The following ULK4 variants were observed in gnomAD, a reference collection of about 807,000 sequenced individuals.
The protein encoded by ULK4 is inactive serine/threonine-protein kinase ULK4.
A neutral mutation model predicts 160.6 loss-of-function variants in ULK4; 133 were observed. That is an observed-to-expected ratio of 0.83 (90% CI 0.72 to 0.96). The LOEUF is 0.96. Ranked by LOEUF, ULK4 falls within the 40% of genes least tolerant of loss-of-function variation. The pLI, the probability that ULK4 is intolerant of heterozygous loss-of-function variation, is 0.00. For missense variants in ULK4, 1,580 were observed against 1,499.5 expected (o/e 1.05, Z -0.89); for synonymous variants, 534 against 539.8 (o/e 0.99, Z 0.15).
intron 30 of ULK4, among the ~76,000 whole-genome samples, chr3:41,647,327 T>C (rs2034541669): frequency 1.3e-5 from 2 of 152,220 alleles, no homozygotes; most frequent in Admixed American, 6.5e-5. Flanking sequence ...TGTGGTTTTA[T>C]CTACTTTTGG....
At chr3:41,273,778 T>C (rs2079180989) in intron 35 of ULK4, among the ~76,000 whole-genome samples, 1 of 152,158 alleles carries the variant, frequency 6.6e-6, no homozygotes, top group South Asian at 2.1e-4. Flanking sequence ...AGTAGTGAGT[T>C]CTTGCTTTTG....
intron 35 of ULK4, among the ~76,000 whole-genome samples, chr3:41,326,884 C>T (rs1048506266): frequency 6.6e-6 from 1 of 152,150 alleles, no homozygotes; most frequent in Non-Finnish European, 1.5e-5. Flanking sequence ...AGCCAGATTC[C>T]CTTTTCATCC....
intron 35 of ULK4, among the ~76,000 whole-genome samples, chr3:41,268,584 T>C (rs2079084474): frequency 6.6e-6 from 1 of 152,014 alleles, no homozygotes; most frequent in Non-Finnish European, 1.5e-5. Context: ...GGCGGGCAGA[T>C]CATTTGTGGT....
chr3:41,774,354 A>G (rs1327041163), intron 21 of ULK4, among the ~76,000 whole-genome samples: 2 of 150,626 alleles, frequency 1.3e-5, no homozygotes, highest in Non-Finnish European at 2.9e-5. Flanking sequence ...AGAATCTACA[A>G]TGAACTCAAA....
At chr3:41,703,870 ACAC>A (rs752210072) in intron 27 of ULK4, among the ~76,000 whole-genome samples, 1,855 of 138,214 alleles carry the variant, frequency 0.013, 32 homozygotes, top group African/African-American at 0.053. Flanking sequence ...ACACACACAC[ACAC>A]ACAAGTTAAC....
intron 35 of ULK4, among the ~76,000 whole-genome samples, chr3:41,288,642 A>G (rs944409483): frequency 1.3e-5 from 2 of 152,158 alleles, no homozygotes; most frequent in African/African-American, 4.8e-5. Context: ...AGGAAATACA[A>G]TTTATATTTA....
intron 5 of ULK4, among the ~76,000 whole-genome samples, chr3:41,924,117 C>G (rs1400914602): frequency 6.6e-6 from 1 of 152,084 alleles, no homozygotes; most frequent in Non-Finnish European, 1.5e-5. Context: ...AAAATTTTTG[C>G]CCTAAAATCA....
At chr3:41,494,688 C>T (rs551220518) in intron 32 of ULK4, among the ~76,000 whole-genome samples, 190 of 152,268 alleles carry the variant, frequency 1.2e-3, no homozygotes, top group African/African-American at 4.2e-3. Context: ...ACCCCACTGT[C>T]TCAGCCCAAA....
chr3:41,745,831 T>C (rs1475456017), intron 22 of ULK4, among the ~76,000 whole-genome samples: 6 of 151,556 alleles, frequency 4.0e-5, no homozygotes, highest in African/African-American at 1.5e-4. Context: ...TTACTCTAGG[T>C]ATGCAATTGC....
chr3:41,791,331 T>C (rs1314028989), intron 20 of ULK4, among the ~76,000 whole-genome samples: 1 of 152,188 alleles, frequency 6.6e-6, no homozygotes, highest in East Asian at 1.9e-4. Context: ...GGTTTCACCA[T>C]GTTGGCCAGG....
chr3:41,948,418 T>G (rs148789440), intron 2 of ULK4, among the ~76,000 whole-genome samples: 1,738 of 152,102 alleles, frequency 0.011, 18 homozygotes, highest in Non-Finnish European at 0.018. Context: ...ACCACTGCAC[T>G]CCAGCCTGGA....
intron 17 of ULK4, among the ~76,000 whole-genome samples, chr3:41,878,364 G>GATATAC (rs1697387329): frequency 6.6e-6 from 1 of 152,084 alleles, no homozygotes; most frequent in Non-Finnish European, 1.5e-5. Flanking sequence ...AGGACTAGAC[G>GATATAC]ATATACATAT....
intron 35 of ULK4, among the ~76,000 whole-genome samples, chr3:41,371,274 C>G (rs1489821327): frequency 6.6e-6 from 1 of 152,212 alleles, no homozygotes; most frequent in African/African-American, 2.4e-5. Flanking sequence ...GCGGTTCTCT[C>G]AGCACAGTGC....
chr3:41,893,688 A>G (rs1698049697), intron 16 of ULK4, among the ~76,000 whole-genome samples: 1 of 152,176 alleles, frequency 6.6e-6, no homozygotes, highest in Non-Finnish European at 1.5e-5. Context: ...TTCACAACAT[A>G]TAAAAAGTTT....
intron 21 of ULK4, among the ~76,000 whole-genome samples, chr3:41,786,598 CAAA>C (rs34207417): frequency 9.4e-5 from 6 of 64,126 alleles, no homozygotes; most frequent in African/African-American, 1.3e-4. Context: ...ATCCTGTCTC[CAAA>C]AAAAAAAAAA....
At chr3:41,316,032 T>G (rs2080136767) in intron 35 of ULK4, among the ~76,000 whole-genome samples, 1 of 152,090 alleles carries the variant, frequency 6.6e-6, no homozygotes, top group African/African-American at 2.4e-5. Context: ...GGAATTCCAG[T>G]CACAGGTATG....
At chr3:41,844,242 G>T (rs115777310) in intron 17 of ULK4, among the ~76,000 whole-genome samples, 1 of 152,154 alleles carries the variant, frequency 6.6e-6, no homozygotes, top group East Asian at 1.9e-4. Flanking sequence ...GGGGAGACTC[G>T]GGCTGCACAG....
rs375744539 is a variant in ULK4 at position 41,278,903 on chromosome 3, G to A, written c.3679-29329C>T. Among the ~76,000 whole-genome samples the A allele has an allele frequency of 1.7e-3, 255 of 152,214 alleles. 1 individual carries two copies. Among genetic ancestry groups the A allele is most frequent in the African/African-American group, 5.8e-3 (239 of 41,510 alleles). On this transcript the variant is annotated intron_variant, in intron 35 of 36. Transcript: ENST00000301831. ...AGCACCTCTTCTCCTCCAAAGGATC[G>A]CAGCCCCATGCCGGCAGCGGAAAAA...
chr3:41,353,703 T>C (rs201736805), intron 35 of ULK4, among the ~76,000 whole-genome samples: 1 of 16,470 alleles, frequency 6.1e-5, no homozygotes, highest in Non-Finnish European at 1.2e-4. Flanking sequence ...TTACAATTAC[T>C]ACTACTACTA....
Sources: allele counts gnomAD v4.1 joint callset (sites outside exome capture counted in the v4.1 genomes callset), GRCh38; gene constraint gnomAD v4.1.1; transcripts MANE v1.5; gene names NCBI Gene and HGNC (gene_info 2026-07-23, HGNC 2026-07-21).